SLC28A3: variants seen among roughly 807,000 people sequenced by gnomAD.
The protein encoded by SLC28A3 is solute carrier family 28 member 3.
Under a neutral mutation model 84.2 loss-of-function variants are expected in SLC28A3, and 68 were observed. That is an observed-to-expected ratio of 0.81 (90% CI 0.66 to 0.99). The LOEUF (loss-of-function observed/expected upper bound fraction) is 0.99, where lower values mean the gene tolerates loss of function less well. SLC28A3 is among the 50% of genes least tolerant of loss of function. The pLI is 0.00. For synonymous variants in SLC28A3, 267 were observed against 303.6 expected (o/e 0.88, Z 1.25); for missense variants, 712 against 841.5 (o/e 0.85, Z 1.90).
the SLC28A3 span, among the ~76,000 whole-genome samples, chr9:84,362,271 C>A: frequency 6.6e-6 from 1 of 152,146 alleles, no homozygotes; most frequent in Admixed American, 6.5e-5. Flanking sequence ...TATTGAGATG[C>A]TACTGGACAC....
Position 84,275,840 on chromosome 9 carries a change from C to A in SLC28A3, c.*2378G>T. 6.6e-6 allele frequency: 1 copy of A among 152,168 alleles called. No homozygotes were observed. The highest frequency in any genetic ancestry group is 1.9e-4 in the East Asian group (1 of 5,200). 9.4% of individuals were successfully genotyped at this position (152,168 alleles called of 1,614,324 possible). On this transcript the variant is annotated 3_prime_UTR_variant, in exon 18 of 18. Coordinates refer to ENST00000376238, the MANE Select transcript of SLC28A3 (RefSeq NM_001199633.2). ...AGGATGCACAGCATTAATAAGGAATCAACGTAGGACCTATGTGAACATGTT... is the reference window on the plus strand; with the variant it reads ...AGGATGCACAGCATTAATAAGGAATAAACGTAGGACCTATGTGAACATGTT...
chr9:84,304,559 C>A (rs1384047069), intron 4 of SLC28A3, among the ~76,000 whole-genome samples: 2 of 152,140 alleles, frequency 1.3e-5, no homozygotes, highest in Non-Finnish European at 2.9e-5. Flanking sequence ...ACATTCTTGT[C>A]CTGCCTTCAG....
At chr9:84,284,042 A>G (rs1444619638) in intron 14 of SLC28A3, among the ~76,000 whole-genome samples, 8 of 152,128 alleles carry the variant, frequency 5.3e-5, no homozygotes, top group Non-Finnish European at 8.8e-5. Flanking sequence ...AATCAGCTCT[A>G]CTGTTCTGTC....
chr9:84,320,971 G>GAAA (rs58560056), intron 1 of SLC28A3, among the ~76,000 whole-genome samples: 13 of 128,478 alleles, frequency 1.0e-4, no homozygotes, highest in East Asian at 2.2e-4. Flanking sequence ...CATCTCAAAA[G>GAAA]AAAAAAAAAA....
chr9:84,312,252 G>C (rs1445948590), intron 2 of SLC28A3, among the ~76,000 whole-genome samples: 1 of 152,148 alleles, frequency 6.6e-6, no homozygotes, highest in East Asian at 1.9e-4. Context: ...AGAATACTTA[G>C]TGAACATTTT....
At chr9:84,282,564 C>T (rs1588558247) in intron 14 of SLC28A3, among the ~76,000 whole-genome samples, 1 of 152,186 alleles carries the variant, frequency 6.6e-6, no homozygotes. Context: ...ATCCCTTTCA[C>T]GGGGCAGTCA....
intron 12 of SLC28A3, among the ~76,000 whole-genome samples, chr9:84,287,486 G>C (rs1296089528): frequency 6.6e-6 from 1 of 151,944 alleles, no homozygotes; most frequent in Admixed American, 6.6e-5. Context: ...CTAAACCAAG[G>C]CTCCATAAAC....
At chr9:84,328,333 G>GAA (rs574673580) in intron 1 of SLC28A3, among the ~76,000 whole-genome samples, 318 of 140,636 alleles carry the variant, frequency 2.3e-3, no homozygotes, top group Non-Finnish European at 3.5e-3. Flanking sequence ...AATTAAAAAG[G>GAA]AAAAAAAAAA....
chr9:84,294,152 A>G lies in SLC28A3; in HGVS notation c.942+43T>C, dbSNP rs570970935. ...CCTTGAGGACTTCGTGCCTGAGATAATCAGCTCTACACCTATAACCCAGTC... is the reference window on the plus strand; with the variant it reads ...CCTTGAGGACTTCGTGCCTGAGATAGTCAGCTCTACACCTATAACCCAGTC... On this transcript the variant is annotated intron_variant, in intron 9 of 17. Coordinates refer to ENST00000376238, the MANE Select transcript of SLC28A3 (RefSeq NM_001199633.2). The G allele has an allele frequency of 2.1e-5, 33 of 1,582,822 alleles. No individual in the cohort carries two copies. The Admixed American group carries it at 5.8e-4, about 28-fold the overall frequency.
chr9:84,321,809 T>C (rs1826390965), intron 1 of SLC28A3, among the ~76,000 whole-genome samples: 1 of 151,274 alleles, frequency 6.6e-6, no homozygotes. Context: ...CCCAGCACTT[T>C]GGGAGGCTGA....
Position 84,285,538 on chromosome 9 carries a change from A to C in SLC28A3, c.1454T>G (p.Ile485Ser). 1 of 1,614,136 alleles carries C rather than the reference A, an allele frequency of 6.2e-7. No individual in the cohort carries two copies. The highest frequency in any genetic ancestry group is 8.5e-7 in the Non-Finnish European group (1 of 1,180,010). Residue 485 changes from isoleucine to serine, a missense_variant, in exon 14 of 18, where the codon ATC (isoleucine) becomes AGC (serine). By Grantham distance (142) the Ile-to-Ser change is moderately radical. Transcript: ENST00000376238. ...AAAGGGCATGAAGATGTAGGAGCAG[A>C]TTAGCTACAGAAACCAAAAGTAGAC... ...FDYPQLSFEL[I>S]CSYIFMPFSF...
chr9:84,342,351 G>T (rs1827180644), upstream of SLC28A3, among the ~76,000 whole-genome samples: 1 of 151,800 alleles, frequency 6.6e-6, no homozygotes, highest in African/African-American at 2.4e-5. Context: ...AGTTTATTTG[G>T]TCTAAGTTTG....
At chr9:84,305,859 A>C (rs1311500441) in intron 3 of SLC28A3, among the ~76,000 whole-genome samples, 1 of 152,180 alleles carries the variant, frequency 6.6e-6, no homozygotes, top group Non-Finnish European at 1.5e-5. Flanking sequence ...GGTGTGCTTA[A>C]AATGCAAAGT....
the SLC28A3 span, among the ~76,000 whole-genome samples, chr9:84,359,712 T>C: frequency 1.3e-5 from 2 of 152,144 alleles, no homozygotes; most frequent in Non-Finnish European, 2.9e-5. Flanking sequence ...AAGAAAGTTT[T>C]AAGACTAGAT....
rs910969857 is a variant in SLC28A3 at position 84,322,061 on chromosome 9, C to G, written c.61-8607G>C. Among the ~76,000 whole-genome samples, 28 of 152,158 alleles carry G rather than the reference C, an allele frequency of 1.8e-4. No individual in the cohort carries two copies. The South Asian group carries it at 3.9e-3, about 21-fold the overall frequency. On this transcript the variant is annotated intron_variant, in intron 1 of 17. Transcript: ENST00000376238. The stretch of plus-strand genomic sequence containing the variant: ...CGAGACTCCGTCTCAACAACAACAA[C>G]AAGAAGAAACATTATATACTACATA...
At chr9:84,357,398 T>C in the SLC28A3 span, among the ~76,000 whole-genome samples, 1 of 152,062 alleles carries the variant, frequency 6.6e-6, no homozygotes, top group Non-Finnish European at 1.5e-5. Context: ...GATGTAATAA[T>C]GTGTGATGTG....
At chr9:84,307,898 A>G (rs1049606626) in intron 3 of SLC28A3, among the ~76,000 whole-genome samples, 3 of 152,192 alleles carry the variant, frequency 2.0e-5, no homozygotes, top group South Asian at 2.1e-4. Context: ...TGGCTGTTTC[A>G]GTCTCATTAA....
chr9:84,304,149 G>A (rs1241641448), intron 4 of SLC28A3, among the ~76,000 whole-genome samples: 2 of 152,242 alleles, frequency 1.3e-5, no homozygotes, highest in Admixed American at 1.3e-4. Flanking sequence ...AGCCATGTCT[G>A]TCTACTTATG....
At chr9:84,280,406 T>G (rs1362318567) in intron 15 of SLC28A3, among the ~76,000 whole-genome samples, 4 of 152,170 alleles carry the variant, frequency 2.6e-5, no homozygotes, top group Admixed American at 2.6e-4. Flanking sequence ...ACTAAGGAGA[T>G]GATGTGCAAC....
Sources: allele counts gnomAD v4.1 joint callset (sites outside exome capture counted in the v4.1 genomes callset), GRCh38; gene constraint gnomAD v4.1.1; transcripts MANE v1.5; gene names NCBI Gene and HGNC (gene_info 2026-07-23, HGNC 2026-07-21).